The following KCTD1 variants were observed in gnomAD, a reference collection of about 807,000 sequenced individuals.
KCTD1 encodes the protein BTB/POZ domain-containing protein KCTD1.
In KCTD1, 24 loss-of-function variants were observed where a neutral mutation model predicts 66.0. The observed-to-expected ratio is 0.36, with a 90% CI of 0.26 to 0.51. The LOEUF (loss-of-function observed/expected upper bound fraction) is 0.51, where lower values mean the gene tolerates loss of function less well. Among genes scored for constraint, KCTD1 ranks in the 20% least tolerant of loss-of-function variants. The pLI, the probability that KCTD1 is intolerant of heterozygous loss-of-function variation, is 0.95. For missense variants in KCTD1, 943 were observed against 1,205.2 expected, an observed-to-expected ratio of 0.78 and a Z score of 3.22; for synonymous variants, 511 against 517.2, an observed-to-expected ratio of 0.99 and a Z score of 0.16.
chr18:26,562,358 A>G (rs946173637), intron 1 of KCTD1, among the ~76,000 whole-genome samples: 3 of 145,086 alleles, frequency 2.1e-5, no homozygotes, highest in African/African-American at 7.7e-5. Context: ...CAGTCTCCCA[A>G]GCAGCTGGAA....
At chr18:26,561,874 G>A (rs1985859331) in intron 1 of KCTD1, among the ~76,000 whole-genome samples, 1 of 152,166 alleles carries the variant, frequency 6.6e-6, no homozygotes. Flanking sequence ...CCGTGCTGGC[G>A]TGAGCACCTG....
At chr18:26,603,745 A>AAAGAG (rs1986950386) in intron 1 of KCTD1, among the ~76,000 whole-genome samples, 1 of 123,006 alleles carries the variant, frequency 8.1e-6, no homozygotes, top group Non-Finnish European at 1.7e-5. Context: ...TGTGTCTCAA[A>AAAGAG]AAAATAAAAT....
chr18:26,558,660 A>C (rs1448519541), intron 1 of KCTD1, among the ~76,000 whole-genome samples: 2 of 152,222 alleles, frequency 1.3e-5, no homozygotes, highest in African/African-American at 4.8e-5. Flanking sequence ...GCAGTGGCTC[A>C]AGCCTGTAAT....
At chr18:26,500,710 T>G (rs1251762630) in intron 2 of KCTD1, among the ~76,000 whole-genome samples, 2 of 152,218 alleles carry the variant, frequency 1.3e-5, no homozygotes, top group Admixed American at 6.5e-5. Flanking sequence ...CCTATAAAAT[T>G]ATCAGAACCT....
chr18:26,550,561 C>CATAG (rs1985516613), upstream of KCTD1, among the ~76,000 whole-genome samples: 1 of 118,444 alleles, frequency 8.4e-6, no homozygotes, highest in African/African-American at 3.6e-5. The surrounding 1 kb of genome is among the most constrained non-coding windows in gnomAD (Gnocchi z 5.4). Context: ...ACACAAGACA[C>CATAG]ACAGACACAC....
intron 1 of KCTD1, among the ~76,000 whole-genome samples, chr18:26,621,572 T>C (rs1230986525): frequency 6.6e-6 from 1 of 152,074 alleles, no homozygotes; most frequent in Non-Finnish European, 1.5e-5. Flanking sequence ...CAGCTCATCT[T>C]CGCCCCACCC....
upstream of KCTD1, among the ~76,000 whole-genome samples, chr18:26,630,820 A>G (rs1040719244): frequency 8.5e-5 from 13 of 152,236 alleles, no homozygotes; most frequent in African/African-American, 2.4e-4. Context: ...AACTATGATC[A>G]TTGAGTCTTG....
At chr18:26,517,552 G>C (rs1367093490) in intron 1 of KCTD1, among the ~76,000 whole-genome samples, 2 of 150,932 alleles carry the variant, frequency 1.3e-5, no homozygotes, top group Non-Finnish European at 2.9e-5. Context: ...AGCTACTCAA[G>C]AGGCTGAGGC....
chr18:26,593,466 AAGG>A (rs1464631315), intron 1 of KCTD1, among the ~76,000 whole-genome samples: 1 of 107,178 alleles, frequency 9.3e-6, no homozygotes, highest in Non-Finnish European at 1.9e-5. Context: ...GGAGGAAGAC[AAGG>A]AGAAGGAGGA....
intron 1 of KCTD1, among the ~76,000 whole-genome samples, chr18:26,635,048 A>T (rs1987695171): frequency 6.6e-6 from 1 of 152,232 alleles, no homozygotes; most frequent in African/African-American, 2.4e-5. Context: ...TTTTAATGTA[A>T]TTCCAGCTGC....
intron 1 of KCTD1, among the ~76,000 whole-genome samples, chr18:26,652,016 C>T (rs1371233692): frequency 6.6e-6 from 1 of 151,990 alleles, no homozygotes; most frequent in African/African-American, 2.4e-5. Context: ...GCTACTTGTT[C>T]CCTAAATCTT....
chr18:26,563,121 T>C (rs905643594), intron 1 of KCTD1, among the ~76,000 whole-genome samples: 1 of 152,286 alleles, frequency 6.6e-6, no homozygotes, highest in African/African-American at 2.4e-5. Flanking sequence ...GCCCATGCTC[T>C]CCAGTTCCAA....
upstream of KCTD1, chr18:26,549,591 C>T: frequency 1.3e-6 from 1 of 770,414 alleles, no homozygotes; most frequent in Non-Finnish European, 1.6e-6. Context: ...GACACAACTC[C>T]CTCGGGCGAG....
Position 26,548,074 on chromosome 18 carries a change from G to A in KCTD1, c.463C>T (p.Leu155=), listed in dbSNP as rs951860118. Residue 155 remains leucine, a synonymous_variant, in exon 1 of 5, where the codon CTG becomes TTG. Transcript: ENST00000580059. Reference sequence around the variant, plus strand: ...GGGCGCTGCAGCACGTCGGGGTCCAGCTCGGAGCCGTCCCCGGGCGGCCCA... The same window carrying A: ...GGGCGCTGCAGCACGTCGGGGTCCAACTCGGAGCCGTCCCCGGGCGGCCCA... The part of the protein sequence containing the change: ...RGGPPGDGSE[L]DPDVLQRPER... 1.3e-5 allele frequency: 18 copies of A among 1,426,188 alleles called. No individual in the cohort carries two copies. The highest frequency in any genetic ancestry group is 1.6e-5 in the Non-Finnish European group (18 of 1,097,020). The allele number at this position is 1,426,188 out of a possible 1,614,324, so 88.3% of individuals were successfully genotyped here. A position where few individuals can be genotyped will look rare whatever the true frequency, so the allele number is the denominator to read the frequency against.
At chr18:26,595,750 G>A (rs554803) in intron 1 of KCTD1, among the ~76,000 whole-genome samples, 37,456 of 152,148 alleles carry the variant, frequency 0.25, 4,768 homozygotes, top group East Asian at 0.34. Context: ...CATTAGAAAT[G>A]TATTGTAGGC....
At chr18:26,526,253 G>A (rs1226475759) in intron 1 of KCTD1, among the ~76,000 whole-genome samples, 2 of 152,134 alleles carry the variant, frequency 1.3e-5, no homozygotes, top group Non-Finnish European at 2.9e-5. Context: ...GGAGATTTGG[G>A]GAGCAGCAGG....
At chr18:26,610,619 A>C (rs1987115751) in intron 1 of KCTD1, among the ~76,000 whole-genome samples, 1 of 149,402 alleles carries the variant, frequency 6.7e-6, no homozygotes. Flanking sequence ...GGAAGGAATG[A>C]AGGAAGGAAG....
chr18:26,463,234 T>C (rs553053903), intron 3 of KCTD1, among the ~76,000 whole-genome samples: 7 of 152,146 alleles, frequency 4.6e-5, no homozygotes, highest in African/African-American at 1.7e-4. Context: ...GGCAGGAGGA[T>C]TACTTGAGGC....
At chr18:26,620,231 T>C (rs929798258) in intron 1 of KCTD1, among the ~76,000 whole-genome samples, 2 of 151,950 alleles carry the variant, frequency 1.3e-5, no homozygotes, top group African/African-American at 4.8e-5. Context: ...TAAAAGGCCC[T>C]GGTAGAAGGT....
Sources: allele counts gnomAD v4.1 joint callset (sites outside exome capture counted in the v4.1 genomes callset), GRCh38; gene constraint gnomAD v4.1.1; non-coding constraint Gnocchi (gnomAD v3.1); transcripts MANE v1.5; gene names NCBI Gene and HGNC (gene_info 2026-07-23, HGNC 2026-07-21).